FRAS1: variants seen among roughly 807,000 people sequenced by gnomAD.
FRAS1 encodes the protein extracellular matrix organizing protein FRAS1.
A neutral mutation model predicts 435.2 loss-of-function variants in FRAS1; 290 were observed. That is an observed-to-expected ratio of 0.67 (90% CI 0.61 to 0.73). The LOEUF (loss-of-function observed/expected upper bound fraction) is 0.73, where lower values mean the gene tolerates loss of function less well. FRAS1 is among the 30% of genes least tolerant of loss of function. The pLI, the probability that FRAS1 is intolerant of heterozygous loss-of-function variation, is 0.00. For missense variants in FRAS1, 4,860 were observed against 5,001.5 expected, an observed-to-expected ratio of 0.97 and a Z score of 0.85; for synonymous variants, 1,800 against 1,851.0, an observed-to-expected ratio of 0.97 and a Z score of 0.71.
At chr4:78,469,910 A>C in intron 50 of FRAS1, 68 bp from the exon 51 acceptor site, 3 of 1,094,334 alleles carry the variant, frequency 2.7e-6, no homozygotes, top group Non-Finnish European at 4.1e-6. Flanking sequence ...ACAGCTGTGT[A>C]GGCCCTGGAC....
At chr4:78,195,722 C>T (rs565419475) in intron 2 of FRAS1, among the ~76,000 whole-genome samples, 21 of 152,260 alleles carry the variant, frequency 1.4e-4, no homozygotes, top group East Asian at 3.9e-4. Flanking sequence ...TGCGCTTCCC[C>T]GGATGAGGCA....
chr4:78,332,120 C>T (rs1326414318), intron 18 of FRAS1, among the ~76,000 whole-genome samples: 1 of 152,124 alleles, frequency 6.6e-6, no homozygotes, highest in African/African-American at 2.4e-5. Context: ...GAGACTGTCT[C>T]TAGTTGTCTA....
chr4:78,419,775 A>AACTTACAAT (rs1733698893), intron 33 of FRAS1, among the ~76,000 whole-genome samples: 1 of 152,188 alleles, frequency 6.6e-6, no homozygotes, highest in Admixed American at 6.5e-5. Flanking sequence ...GGCCTCAGGA[A>AACTTACAAT]ACTTACAATC....
chr4:78,284,010 T>G (rs1170379225), intron 12 of FRAS1, among the ~76,000 whole-genome samples: 1 of 152,188 alleles, frequency 6.6e-6, no homozygotes, highest in African/African-American at 2.4e-5. Flanking sequence ...GGGTTTTATG[T>G]CTGAACTGTT....
In FRAS1 at chr4:78,541,078, T is replaced by C. The variant is rs753500794; in HGVS notation, c.11993T>C (p.Leu3998Pro). Residue 3998 changes from leucine (L) to proline (P), a missense_variant, in exon 74 of 74, where the codon CTA (leucine) becomes CCA (proline). Coordinates refer to ENST00000512123, the MANE Select transcript of FRAS1 (RefSeq NM_025074.7). ...FKGAKVKRLN[L>P]EVRVHNNLQD... ...GGTGCTAAAGTCAAAAGACTGAATC[T>C]AGAAGTCAGAGTTCACAACAATTTA... 2.1e-6 allele frequency: 3 copies of C among 1,400,166 alleles called. No individual in the cohort carries two copies. The highest frequency in any genetic ancestry group is 2.8e-6 in the Non-Finnish European group (3 of 1,068,724). The allele number at this position is 1,400,166 out of a possible 1,614,324, so 86.7% of individuals were successfully genotyped here. A position where few individuals can be genotyped will look rare whatever the true frequency, so the allele number is the denominator to read the frequency against.
At chr4:78,518,537 C>T (rs1203405467) in intron 66 of FRAS1, among the ~76,000 whole-genome samples, 1 of 151,138 alleles carries the variant, frequency 6.6e-6, no homozygotes, top group Non-Finnish European at 1.5e-5. Flanking sequence ...CACACATATA[C>T]AGCTAGCTTC....
At chr4:78,466,856 T>C (rs1719547887) in intron 50 of FRAS1, among the ~76,000 whole-genome samples, 1 of 152,152 alleles carries the variant, frequency 6.6e-6, no homozygotes, top group Non-Finnish European at 1.5e-5. Flanking sequence ...CTAACCAGAG[T>C]TTCTCAGTCT....
chr4:78,139,616 T>G (rs778337610), intron 2 of FRAS1, among the ~76,000 whole-genome samples: 2 of 152,154 alleles, frequency 1.3e-5, no homozygotes, highest in Non-Finnish European at 2.9e-5. Flanking sequence ...GGATACTTCA[T>G]TAGTGGAAAA....
chr4:78,114,120 T>C (rs1381303699), intron 2 of FRAS1, among the ~76,000 whole-genome samples: 1 of 152,210 alleles, frequency 6.6e-6, no homozygotes, highest in Non-Finnish European at 1.5e-5. Flanking sequence ...CTCAGGTTTG[T>C]CAAAGATCAG....
chr4:78,113,769 T>C (rs955390467), intron 2 of FRAS1, among the ~76,000 whole-genome samples: 2 of 152,110 alleles, frequency 1.3e-5, no homozygotes, highest in East Asian at 1.9e-4. Flanking sequence ...TTTCTCCCGT[T>C]CTGTAGGTTG....
At chr4:78,087,796 A>G (rs940955486) in intron 2 of FRAS1, among the ~76,000 whole-genome samples, 24 of 152,328 alleles carry the variant, frequency 1.6e-4, no homozygotes, top group African/African-American at 5.5e-4. Flanking sequence ...AAATGGAAGA[A>G]CATTCCATGC....
intron 61 of FRAS1, among the ~76,000 whole-genome samples, chr4:78,504,242 C>T (rs549968970): frequency 3.4e-4 from 52 of 152,314 alleles, no homozygotes; most frequent in African/African-American, 1.2e-3. Flanking sequence ...CTGCTTGCTG[C>T]AGAGCTAAGT....
Position 78,470,042 on chromosome 4 carries a change from G to C in FRAS1, c.7322G>C (p.Arg2441Thr). The change falls in exon 51 of 74, where the codon AGA becomes ACA. Residue 2441 changes from arginine to threonine, a missense_variant. By Grantham distance (71) the Arg-to-Thr change is moderately conservative (BLOSUM62 -1). Transcript: ENST00000512123. ...DILPVDDGTP[R>T]IVTNLGLQWL... ...CTCCCGGTAGATGATGGCACGCCTA[G>C]AATTGTCACCAACCTGGGACTCCAG... The C allele has an allele frequency of 6.2e-7, 1 of 1,613,722 alleles. No homozygotes were observed. Among genetic ancestry groups the C allele is most frequent in the South Asian group, 1.1e-5 (1 of 91,032 alleles).
intron 71 of FRAS1, among the ~76,000 whole-genome samples, chr4:78,535,251 T>C (rs1025762977): frequency 2.6e-5 from 4 of 152,184 alleles, no homozygotes; most frequent in Non-Finnish European, 5.9e-5. Context: ...GCTCAGTCTA[T>C]TCCTACTCTG....
At chr4:78,385,965 T>G (rs1406074752) in intron 28 of FRAS1, among the ~76,000 whole-genome samples, 1 of 152,120 alleles carries the variant, frequency 6.6e-6, no homozygotes, top group Non-Finnish European at 1.5e-5. Context: ...AACTTACTGG[T>G]TTAGATGTTT....
At chr4:78,481,515 C>T (rs1720010900) in intron 56 of FRAS1, among the ~76,000 whole-genome samples, 1 of 152,194 alleles carries the variant, frequency 6.6e-6, no homozygotes, top group Non-Finnish European at 1.5e-5. Context: ...TGAGCAGTCT[C>T]CCTTGTGAAG....
At chr4:78,442,051 A>G (rs1442496607) in intron 41 of FRAS1, among the ~76,000 whole-genome samples, 1 of 152,222 alleles carries the variant, frequency 6.6e-6, no homozygotes, top group Non-Finnish European at 1.5e-5. Flanking sequence ...ATTGGTGTGC[A>G]GCTAGCAGCT....
chr4:78,144,759 G>A (rs552717778), intron 2 of FRAS1, among the ~76,000 whole-genome samples: 82 of 152,082 alleles, frequency 5.4e-4, no homozygotes, highest in African/African-American at 1.9e-3. Context: ...TTAACACTAC[G>A]AATATTTTTC....
intron 29 of FRAS1, among the ~76,000 whole-genome samples, chr4:78,389,381 G>A (rs890274255): frequency 1.8e-4 from 28 of 152,200 alleles, no homozygotes; most frequent in Non-Finnish European, 2.9e-4. Flanking sequence ...CAAAATTTGC[G>A]ATTGATCCGA....
Sources: gnomAD v4.1 joint callset for allele counts (sites outside exome capture counted in the v4.1 genomes callset) on GRCh38, gnomAD v4.1.1 for gene constraint, MANE v1.5 for transcripts, NCBI Gene and HGNC (gene_info 2026-07-23, HGNC 2026-07-21) for gene names.